LARP4: variants seen among roughly 807,000 people sequenced by gnomAD.
The protein encoded by LARP4 is La ribonucleoprotein 4.
Under a neutral mutation model 92.9 loss-of-function variants are expected in LARP4, and 29 were observed. That is an observed-to-expected ratio of 0.31 (90% CI 0.23 to 0.43). LARP4 has a LOEUF of 0.43. LARP4 is among the 20% of genes least tolerant of loss of function. The pLI is 1.00. For missense variants in LARP4, 732 were observed against 860.0 expected (o/e 0.85, Z 1.86); for synonymous variants, 279 against 284.1 (o/e 0.98, Z 0.18).
chr12:50,405,127 G>A (rs977045877), intron 1 of LARP4, among the ~76,000 whole-genome samples: 12 of 150,888 alleles, frequency 8.0e-5, no homozygotes, highest in African/African-American at 2.7e-4. Context: ...TCGAACTGCT[G>A]ACCTCAAGTG....
chr12:50,443,319 C>G (rs373954151), intron 8 of LARP4, among the ~76,000 whole-genome samples: 1 of 152,030 alleles, frequency 6.6e-6, no homozygotes, highest in Non-Finnish European at 1.5e-5. Flanking sequence ...CACCTAGGCT[C>G]GAGTGCAGGG....
intron 8 of LARP4, among the ~76,000 whole-genome samples, chr12:50,446,707 G>A (rs939243654): frequency 6.6e-5 from 10 of 151,728 alleles, no homozygotes; most frequent in Non-Finnish European, 1.5e-4. Context: ...GATTGGAGGC[G>A]TGAGCCACCA....
At chr12:50,403,510 G>A (rs1193317876) in intron 1 of LARP4, among the ~76,000 whole-genome samples, 7 of 152,090 alleles carry the variant, frequency 4.6e-5, no homozygotes, top group Non-Finnish European at 7.4e-5. Flanking sequence ...TGATAACTGC[G>A]TTTCAATATA....
chr12:50,454,222 G>T, intron 9 of LARP4, 92 bp from the exon 10 acceptor site: 2 of 878,004 alleles, frequency 2.3e-6, no homozygotes, highest in Non-Finnish European at 3.5e-6. Context: ...GCTTGTAAAA[G>T]ATAAATTCAT....
At chr12:50,401,113 C>A in intron 1 of LARP4, 85 bp downstream of exon 1, 1 of 1,502,828 alleles carries the variant, frequency 6.7e-7, no homozygotes, top group Non-Finnish European at 9.3e-7. Flanking sequence ...ATGTGACTTT[C>A]CGGGCCGTAC....
intron 10 of LARP4, among the ~76,000 whole-genome samples, chr12:50,460,137 CA>C (rs201843418): frequency 0.13 from 14,719 of 117,274 alleles, 1,356 homozygotes; most frequent in East Asian, 0.5. Flanking sequence ...TCCATCTCAC[CA>C]AAAAAAAAAA....
In LARP4 at chr12:50,466,613, C is replaced by CA. The variant is rs201094137; in HGVS notation, c.1384-336dup. Among the ~76,000 whole-genome samples the CA allele has an allele frequency of 1.9e-3, 273 of 144,190 alleles. 2 individuals carry two copies. Among genetic ancestry groups the CA allele is most frequent in the Admixed American group, 4.6e-3 (67 of 14,484 alleles). The allele number at this position is 144,190 out of a possible 152,430, so 94.6% of individuals were successfully genotyped here. On this transcript the variant is annotated intron_variant, in intron 12 of 15. Transcript: ENST00000398473. ...TTGGTGACAAACTAAGACCCTGTCTCAAAAAAAAAAGAGTTGATAGCAAAT... is the reference window on the plus strand; with the variant it reads ...TTGGTGACAAACTAAGACCCTGTCTCAAAAAAAAAAAGAGTTGATAGCAAAT...
intron 4 of LARP4, among the ~76,000 whole-genome samples, chr12:50,434,850 C>G (rs1271003174): frequency 6.6e-6 from 1 of 151,980 alleles, no homozygotes; most frequent in African/African-American, 2.4e-5. Context: ...CGAGACCATC[C>G]TGGCTAACAC....
At chr12:50,431,893 C>T (rs796863343) in intron 4 of LARP4, among the ~76,000 whole-genome samples, 4 of 152,226 alleles carry the variant, frequency 2.6e-5, no homozygotes, top group African/African-American at 9.6e-5. Context: ...TTAGCCTGTA[C>T]TTTGGGAGGC....
chr12:50,462,547 A>ACCCCCC, intron 11 of LARP4, 35 bp from the exon 12 acceptor site: 1 of 665,048 alleles, frequency 1.5e-6, no homozygotes, highest in Non-Finnish European at 2.7e-6. Flanking sequence ...TTGTCCCTCC[A>ACCCCCC]CCCCACCCCA....
rs566892534 is a variant in LARP4 at position 50,468,172 on chromosome 12, G to T, written c.1545+1052G>T. On this transcript the variant is annotated intron_variant, in intron 13 of 15. Coordinates refer to ENST00000398473, the MANE Select transcript of LARP4 (RefSeq NM_052879.5). ...TTTTTGTATTTTTAGTAGAGACAGG[G>T]TTTCTCCATGTTGGCCAGGCTGGTC... is the stretch of plus-strand genomic sequence containing the variant. Among the ~76,000 whole-genome samples, 5 of 152,102 alleles carry T rather than the reference G, an allele frequency of 3.3e-5. No individual in the cohort carries two copies. The East Asian group carries it at 9.7e-4, about 29-fold the overall frequency.
intron 10 of LARP4, among the ~76,000 whole-genome samples, chr12:50,455,828 T>C (rs758525746): frequency 6.6e-6 from 1 of 152,122 alleles, no homozygotes; most frequent in Non-Finnish European, 1.5e-5. Flanking sequence ...GGGTGGATCA[T>C]CTGAGCTCAG....
In LARP4 at chr12:50,474,018, G is replaced by A. The variant is rs1196223143; in HGVS notation, c.1687G>A (p.Asp563Asn). ...CCTTAGCACAACTCAGCAAGAAAAG[G>A]ATCTAATAGAAGATTCCTCTGTTCA... The part of the protein sequence containing the change: ...TALSTTQQEK[D>N]LIEDSSVQKD... The change falls in exon 15 of 16, where the codon GAT becomes AAT. Residue 563 changes from aspartate to asparagine, a missense_variant. Physicochemically the swap from Asp to Asn is conservative, Grantham distance 23. Around this residue, in one of 7 missense-constraint regions of LARP4, gnomAD observed 97 missense variants for 85.9 expected, o/e 1.13. Transcript: ENST00000398473. 6.2e-7 allele frequency: 1 copy of A among 1,611,814 alleles called. No homozygotes were observed. The highest frequency in any genetic ancestry group is 8.5e-7 in the Non-Finnish European group (1 of 1,179,870).
intron 8 of LARP4, among the ~76,000 whole-genome samples, chr12:50,445,989 TTTTTTTC>T (rs1391933067): frequency 2.5e-4 from 38 of 150,754 alleles, no homozygotes; most frequent in Non-Finnish European, 4.1e-4. Flanking sequence ...TGCCGTTTTC[TTTTTTTC>T]TTTTTTCTTT....
intron 1 of LARP4, chr12:50,415,588 T>C (rs1033924337): frequency 1.3e-5 from 2 of 152,178 alleles, no homozygotes; most frequent in African/African-American, 4.8e-5. Flanking sequence ...GTCCGAAGCC[T>C]TCCAATTTTT....
At chr12:50,426,731 G>GTGT (rs1483728898) in intron 1 of LARP4, among the ~76,000 whole-genome samples, 87 of 79,648 alleles carry the variant, frequency 1.1e-3, no homozygotes, top group African/African-American at 1.6e-3. Flanking sequence ...GTGTGTGTGT[G>GTGT]GTTTTTTTTT....
rs1956890895 is a variant in LARP4, at chr12:50,471,224, G to A, written c.1546-2191G>A. 3.9e-5 allele frequency among the ~76,000 whole-genome samples: 6 copies of A among 152,290 alleles called. No individual in the cohort carries two copies. The South Asian group carries it at 1.2e-3, about 32-fold the overall frequency. On this transcript the variant is annotated intron_variant, in intron 13 of 15. Transcript: ENST00000398473. ...TTGAAGGCTGGATTTGGCCTTGCGG[G>A]TCTTAGTTTACCAACCCTTGCGCTA...
chr12:50,421,170 C>T (rs1426858802), intron 1 of LARP4: 10 of 334,722 alleles, frequency 3.0e-5, no homozygotes, highest in Admixed American at 6.5e-5. Context: ...AGGCTGGTCT[C>T]GAACTCCTGA....
intron 4 of LARP4, among the ~76,000 whole-genome samples, chr12:50,431,183 A>T (rs1313641655): frequency 6.6e-6 from 1 of 151,998 alleles, no homozygotes; most frequent in Non-Finnish European, 1.5e-5. Context: ...CAGGAGAATC[A>T]CTTGAACCCC....
Sources: gnomAD v4.1 joint callset for allele counts (sites outside exome capture counted in the v4.1 genomes callset) on GRCh38, gnomAD v4.1.1 for gene constraint, gnomAD v4.1.1 regional missense constraint, MANE v1.5 for transcripts, NCBI Gene and HGNC (gene_info 2026-07-23, HGNC 2026-07-21) for gene names.